RYR2: variants seen among roughly 807,000 people sequenced by gnomAD.
The protein encoded by RYR2 is cardiac muscle ryanodine receptor-calcium release channel.
Under a neutral mutation model 601.1 loss-of-function variants are expected in RYR2, and 227 were observed. The observed-to-expected ratio is 0.38, with a 90% confidence interval of 0.34 to 0.42. RYR2 has a LOEUF of 0.42. Ranked by LOEUF, RYR2 falls within the 10% of genes least tolerant of loss-of-function variation. RYR2 has a pLI of 1.00. For missense variants in RYR2, 4,646 were observed against 6,156.5 expected, an observed-to-expected ratio of 0.75 and a Z score of 8.21; for synonymous variants, 2,223 against 2,175.1, an observed-to-expected ratio of 1.02 and a Z score of -0.61.
chr1:237,391,346 CA>C (rs1466319825), intron 10 of RYR2, among the ~76,000 whole-genome samples: 2 of 152,030 alleles, frequency 1.3e-5, no homozygotes, highest in African/African-American at 4.8e-5. Flanking sequence ...GATTTTTGCA[CA>C]GTGACATGAA....
intron 2 of RYR2, among the ~76,000 whole-genome samples, chr1:237,288,707 T>C (rs73125457): frequency 0.036 from 5,454 of 152,074 alleles, 340 homozygotes; most frequent in African/African-American, 0.12. Context: ...GAGGGTGTGA[T>C]GGGTTTGAAC....
chr1:237,640,794 T>G, intron 46 of RYR2, 103 bp from the exon 47 acceptor site: 1 of 879,074 alleles, frequency 1.1e-6, no homozygotes, highest in Non-Finnish European at 1.8e-6. Context: ...ATCAGAAAAA[T>G]AATGTGTTAC....
intron 2 of RYR2, among the ~76,000 whole-genome samples, chr1:237,285,626 A>G (rs942088479): frequency 6.6e-6 from 1 of 152,192 alleles, no homozygotes; most frequent in Non-Finnish European, 1.5e-5. Context: ...AATGTCTGGT[A>G]GAATTCGGCA....
At chr1:237,111,914 G>C (rs1189730114) in intron 1 of RYR2, among the ~76,000 whole-genome samples, 1 of 152,136 alleles carries the variant, frequency 6.6e-6, no homozygotes, top group South Asian at 2.1e-4. Context: ...TTACTCCACT[G>C]TAAGCCCTTG....
chr1:237,091,002 C>A, intron 1 of RYR2, among the ~76,000 whole-genome samples: 1 of 152,086 alleles, frequency 6.6e-6, no homozygotes, highest in Non-Finnish European at 1.5e-5. Context: ...TGTTTAATGT[C>A]ATACATTTAT....
At chr1:237,430,922 G>A (rs1706742341) in intron 12 of RYR2, among the ~76,000 whole-genome samples, 1 of 152,122 alleles carries the variant, frequency 6.6e-6, no homozygotes, top group Admixed American at 6.5e-5. Context: ...TTCTGCTCAG[G>A]GATTCTGTTT....
Position 237,171,887 on chromosome 1 carries a change from C to T in RYR2, c.49-98610C>T, listed in dbSNP as rs546219619. Among the ~76,000 whole-genome samples the T allele has an allele frequency of 3.3e-5, 5 of 152,288 alleles. No individual in the cohort carries two copies. The East Asian group carries it at 9.6e-4, about 29-fold the overall frequency. On this transcript the variant is annotated intron_variant, in intron 1 of 104. Transcript: ENST00000366574. ...TTTTCAATGGGAATATCTGCTTTTACCCACCGGTCTTTCTGTTTTGCCCCC... is the reference window on the plus strand; with the variant it reads ...TTTTCAATGGGAATATCTGCTTTTATCCACCGGTCTTTCTGTTTTGCCCCC...
intron 8 of RYR2, among the ~76,000 whole-genome samples, chr1:237,381,057 G>A (rs1193955017): frequency 1.3e-5 from 2 of 151,742 alleles, no homozygotes; most frequent in Non-Finnish European, 2.9e-5. Context: ...CAGCCTGGGC[G>A]ACAAGAGTGA....
At chr1:237,306,040 T>C (rs181027336) in intron 2 of RYR2, among the ~76,000 whole-genome samples, 1 of 152,246 alleles carries the variant, frequency 6.6e-6, no homozygotes, top group East Asian at 1.9e-4. Flanking sequence ...ACATGAAAAA[T>C]TATGTCTTAA....
At chr1:237,506,003 T>C (rs1183797587) in intron 22 of RYR2, among the ~76,000 whole-genome samples, 3 of 151,988 alleles carry the variant, frequency 2.0e-5, no homozygotes, top group Non-Finnish European at 2.9e-5. Flanking sequence ...AAAGATCCGA[T>C]GGACTATAAT....
At chr1:237,571,908 T>C (rs540040879) in intron 29 of RYR2, among the ~76,000 whole-genome samples, 1 of 152,272 alleles carries the variant, frequency 6.6e-6, no homozygotes. Flanking sequence ...TCATGGAAAA[T>C]GGGGTATCCA....
chr1:237,265,386 A>G (rs977817021), intron 1 of RYR2, among the ~76,000 whole-genome samples: 2 of 151,974 alleles, frequency 1.3e-5, no homozygotes, highest in African/African-American at 4.8e-5. Context: ...CAGTAGCACA[A>G]TCTCGGATCA....
At chr1:237,494,650 T>A (rs1407122884) in intron 19 of RYR2, among the ~76,000 whole-genome samples, 1 of 152,170 alleles carries the variant, frequency 6.6e-6, no homozygotes, top group East Asian at 1.9e-4. Flanking sequence ...AAATAAATGA[T>A]AAGAAATAAC....
rs1295256193 is a variant in RYR2, at chr1:237,270,321, A to C, written c.49-176A>C. On this transcript the variant is annotated intron_variant, in intron 1 of 104. Transcript: ENST00000366574. Reference sequence around the variant, plus strand: ...CTCAGTTGCCTTTTTGCAAATAAAAAGTACGTGAGGGATTGATTCCGTAGG... The same window carrying C: ...CTCAGTTGCCTTTTTGCAAATAAAACGTACGTGAGGGATTGATTCCGTAGG... 6.6e-6 allele frequency: 6 copies of C among 906,746 alleles called. No homozygotes were observed. The East Asian group carries it at 1.6e-4, about 25-fold the overall frequency. 56.2% of individuals were successfully genotyped at this position (906,746 alleles called of 1,614,324 possible).
chr1:237,325,244 C>G (rs145187592), intron 2 of RYR2, among the ~76,000 whole-genome samples: 156 of 152,204 alleles, frequency 1.0e-3, no homozygotes, highest in African/African-American at 3.6e-3. Flanking sequence ...TGCTGGCAGA[C>G]AGTGATCTCC....
chr1:237,288,848 A>G (rs1368391746), intron 2 of RYR2, among the ~76,000 whole-genome samples: 1 of 151,866 alleles, frequency 6.6e-6, no homozygotes, highest in Non-Finnish European at 1.5e-5. Flanking sequence ...CCCCATTCAA[A>G]TTGTTACAAA....
rs149605186 is a variant in RYR2, at chr1:237,227,066, G to A, written c.49-43431G>A. The stretch of plus-strand genomic sequence containing the variant: ...GGGATTATAGACGTTGAGCCCCTGT[G>A]CCCAGCCTGTCACATAGTGTATAAT... On this transcript the variant is annotated intron_variant, in intron 1 of 104. Transcript: ENST00000366574. Among the ~76,000 whole-genome samples, 17 of 152,224 alleles carry A rather than the reference G, an allele frequency of 1.1e-4. No homozygotes were observed. In the East Asian group the frequency reaches 3.1e-3, roughly 28 times the overall value.
chr1:237,257,222 G>A (rs556927844), intron 1 of RYR2, among the ~76,000 whole-genome samples: 7 of 152,218 alleles, frequency 4.6e-5, no homozygotes, highest in African/African-American at 9.6e-5. Context: ...TGTCTCATTC[G>A]ACCACCTGCG....
chr1:237,623,738 C>G, intron 38 of RYR2, 27 bp from the exon 39 acceptor site: 1 of 1,438,728 alleles, frequency 7.0e-7, no homozygotes, highest in Non-Finnish European at 9.8e-7. Context: ...CCTCCTTCTT[C>G]CTCTTTCTTG....
Sources: gnomAD v4.1 joint callset for allele counts (sites outside exome capture counted in the v4.1 genomes callset) on GRCh38, gnomAD v4.1.1 for gene constraint, MANE v1.5 for transcripts, NCBI Gene and HGNC (gene_info 2026-07-23, HGNC 2026-07-21) for gene names.